Variants in FSTL5 observed in about 807,000 individuals in gnomAD.
FSTL5 encodes the protein follistatin-related protein 5.
FSTL5 carries 62 observed loss-of-function variants against 89.1 expected under a neutral mutation model. The observed-to-expected ratio is 0.70, with a 90% CI of 0.57 to 0.86. The LOEUF (loss-of-function observed/expected upper bound fraction) is 0.86. Among genes scored for constraint, FSTL5 ranks in the 40% least tolerant of loss-of-function variants. FSTL5 has a pLI of 0.00. For synonymous variants in FSTL5, 383 were observed against 346.2 expected (o/e 1.11, Z -1.18); for missense variants, 1,057 against 1,001.6 (o/e 1.06, Z -0.75).
At chr4:161,789,306 G>A (rs1729374561) in intron 4 of FSTL5, among the ~76,000 whole-genome samples, 1 of 152,030 alleles carries the variant, frequency 6.6e-6, no homozygotes, top group Non-Finnish European at 1.5e-5. Context: ...AGCAAGCAAA[G>A]GGACGACTAG....
chr4:161,627,872 T>G (rs1735367967), intron 7 of FSTL5, among the ~76,000 whole-genome samples: 1 of 152,176 alleles, frequency 6.6e-6, no homozygotes, highest in East Asian at 1.9e-4. Context: ...TGATATATAC[T>G]GTCACGGTCA....
At chr4:161,665,267 A>T (rs183946028) in intron 6 of FSTL5, among the ~76,000 whole-genome samples, 2 of 151,784 alleles carry the variant, frequency 1.3e-5, no homozygotes, top group East Asian at 1.9e-4. Context: ...TTTGAGACAG[A>T]GTCTCACTCC....
At chr4:162,021,669 G>A (rs1737089812) in intron 3 of FSTL5, among the ~76,000 whole-genome samples, 1 of 152,072 alleles carries the variant, frequency 6.6e-6, no homozygotes, top group African/African-American at 2.4e-5. Context: ...ATTATCTTAA[G>A]GGAAACAACT....
chr4:162,075,316 T>C (rs1729792238), intron 2 of FSTL5, among the ~76,000 whole-genome samples: 1 of 151,870 alleles, frequency 6.6e-6, no homozygotes, highest in Non-Finnish European at 1.5e-5. Context: ...TCCAATTAGA[T>C]GAATTTGCAT....
chr4:161,776,816 A>G (rs1741428510), intron 4 of FSTL5, among the ~76,000 whole-genome samples: 1 of 152,066 alleles, frequency 6.6e-6, no homozygotes, highest in Non-Finnish European at 1.5e-5. Flanking sequence ...AATGATTAAA[A>G]TCAGGGTAAT....
chr4:161,601,214 C>T (rs1289228057), intron 7 of FSTL5, among the ~76,000 whole-genome samples: 2 of 151,408 alleles, frequency 1.3e-5, no homozygotes, highest in Non-Finnish European at 2.9e-5. Flanking sequence ...CCTCATGATA[C>T]AGGCCTGGTG....
At chr4:161,706,267 G>C (rs928277347) in intron 6 of FSTL5, among the ~76,000 whole-genome samples, 1 of 151,564 alleles carries the variant, frequency 6.6e-6, no homozygotes, top group Non-Finnish European at 1.5e-5. Context: ...GCCACTGTCT[G>C]TATGCTTTAA....
intron 1 of FSTL5, among the ~76,000 whole-genome samples, chr4:162,128,920 CTTTT>C (rs11317941): frequency 4.7e-5 from 6 of 129,014 alleles, no homozygotes; most frequent in African/African-American, 2.8e-5. Context: ...CTGTTTGAGA[CTTTT>C]TTTTTTTTTT....
intron 2 of FSTL5, among the ~76,000 whole-genome samples, chr4:162,038,235 T>A (rs1002800361): frequency 6.6e-6 from 1 of 151,916 alleles, no homozygotes; most frequent in Non-Finnish European, 1.5e-5. Flanking sequence ...AAACTATTCG[T>A]GTTTTACATT....
At chr4:161,859,269 T>A (rs1003516462) in intron 4 of FSTL5, among the ~76,000 whole-genome samples, 5 of 152,204 alleles carry the variant, frequency 3.3e-5, no homozygotes, top group African/African-American at 7.2e-5. Context: ...CACCCTCCTG[T>A]GGTTTAAACC....
intron 7 of FSTL5, among the ~76,000 whole-genome samples, chr4:161,619,771 G>A (rs954357384): frequency 6.6e-6 from 1 of 152,138 alleles, no homozygotes; most frequent in African/African-American, 2.4e-5. Flanking sequence ...CATTGTGGAA[G>A]TCAGTGTGGC....
intron 7 of FSTL5, among the ~76,000 whole-genome samples, chr4:161,642,203 C>T (rs1347107993): frequency 6.6e-6 from 1 of 151,802 alleles, no homozygotes; most frequent in African/African-American, 2.4e-5. Flanking sequence ...ACACATAAAG[C>T]CTCTTAAATT....
intron 3 of FSTL5, among the ~76,000 whole-genome samples, chr4:161,936,609 G>A (rs1427248501): frequency 1.3e-5 from 2 of 152,078 alleles, no homozygotes; most frequent in African/African-American, 4.8e-5. Context: ...AGTACCGCAG[G>A]AAATGAAAAT....
At chr4:161,476,739 G>A (rs1200622634) in intron 13 of FSTL5, among the ~76,000 whole-genome samples, 2 of 152,124 alleles carry the variant, frequency 1.3e-5, no homozygotes, top group Non-Finnish European at 2.9e-5. Context: ...CAGACACTAG[G>A]CCTTTAGATG....
intron 10 of FSTL5, among the ~76,000 whole-genome samples, chr4:161,524,779 G>A (rs916623473): frequency 2.0e-5 from 3 of 152,050 alleles, no homozygotes; most frequent in African/African-American, 7.2e-5. Flanking sequence ...CTAACATGGT[G>A]AAACCTTGTC....
intron 7 of FSTL5, among the ~76,000 whole-genome samples, chr4:161,650,503 A>T (rs1736300894): frequency 6.6e-6 from 1 of 152,168 alleles, no homozygotes; most frequent in Admixed American, 6.6e-5. Context: ...AGAGTGGTTG[A>T]GTTATAATAA....
At chr4:162,057,962 A>G (rs1200183952) in intron 2 of FSTL5, among the ~76,000 whole-genome samples, 1 of 152,098 alleles carries the variant, frequency 6.6e-6, no homozygotes, top group African/African-American at 2.4e-5. Context: ...AAAAATAATA[A>G]TAATAATAAT....
intron 10 of FSTL5, among the ~76,000 whole-genome samples, chr4:161,525,612 G>A (rs1329406834): frequency 6.6e-6 from 1 of 152,042 alleles, no homozygotes; most frequent in Non-Finnish European, 1.5e-5. Flanking sequence ...CCATCCATGG[G>A]AGGTTCTTCC....
At chr4:162,070,116 T>C (rs1729548180) in intron 2 of FSTL5, among the ~76,000 whole-genome samples, 1 of 151,964 alleles carries the variant, frequency 6.6e-6, no homozygotes, top group South Asian at 2.1e-4. Flanking sequence ...GGTTTGCATT[T>C]TCCTGATGAT....
Sources: gnomAD v4.1 joint callset for allele counts (sites outside exome capture counted in the v4.1 genomes callset) on GRCh38, gnomAD v4.1.1 for gene constraint, MANE v1.5 for transcripts, NCBI Gene and HGNC (gene_info 2026-07-23, HGNC 2026-07-21) for gene names.